The following FAM193A variants were observed in gnomAD, a reference collection of about 807,000 sequenced individuals.
The protein encoded by FAM193A is protein FAM193A.
FAM193A carries 22 observed loss-of-function variants against 126.5 expected under a neutral mutation model. The observed-to-expected ratio is 0.17, with a 90% CI of 0.12 to 0.25. The LOEUF (loss-of-function observed/expected upper bound fraction) is 0.25. FAM193A is among the 10% of genes least tolerant of loss of function. The pLI is 1.00. For missense variants in FAM193A, 1,675 were observed against 1,672.8 expected, an observed-to-expected ratio of 1.00 and a Z score of -0.02; for synonymous variants, 761 against 646.8, an observed-to-expected ratio of 1.18 and a Z score of -2.68.
intron 1 of FAM193A, among the ~76,000 whole-genome samples, chr4:2,553,852 T>A (rs1379334854): frequency 6.6e-6 from 1 of 152,134 alleles, no homozygotes; most frequent in Admixed American, 6.6e-5. Context: ...TCTCACGAGA[T>A]CTGATGGTTC....
At chr4:2,692,233 C>A (rs1247647661) in intron 15 of FAM193A, among the ~76,000 whole-genome samples, 1 of 152,192 alleles carries the variant, frequency 6.6e-6, no homozygotes, top group Non-Finnish European at 1.5e-5. Context: ...AGCACCTCTT[C>A]ACGGGGGAGA....
intron 1 of FAM193A, among the ~76,000 whole-genome samples, chr4:2,551,386 A>G (rs1161753578): frequency 1.3e-5 from 2 of 152,224 alleles, no homozygotes; most frequent in South Asian, 2.1e-4. Flanking sequence ...GTCAGTGCTG[A>G]AAAAGTTTCA....
intron 2 of FAM193A, among the ~76,000 whole-genome samples, chr4:2,607,712 C>T (rs1741626813): frequency 6.6e-6 from 1 of 152,234 alleles, no homozygotes; most frequent in Non-Finnish European, 1.5e-5. Flanking sequence ...AGGCTTATAG[C>T]ATGGCCTTAC....
At chr4:2,608,913 CAG>C (rs1355794943) in intron 2 of FAM193A, among the ~76,000 whole-genome samples, 5 of 138,284 alleles carry the variant, frequency 3.6e-5, no homozygotes, top group African/African-American at 1.4e-4. Context: ...TTTTTTGAGA[CAG>C]AGTCTCACTC....
intron 2 of FAM193A, among the ~76,000 whole-genome samples, chr4:2,600,153 C>T (rs1040299528): frequency 1.3e-5 from 2 of 152,212 alleles, no homozygotes; most frequent in East Asian, 1.9e-4. Context: ...CTACCTTGGC[C>T]TCCCAAAGTG....
intron 13 of FAM193A, among the ~76,000 whole-genome samples, chr4:2,688,373 C>T (rs940603369): frequency 1.8e-4 from 27 of 152,090 alleles, no homozygotes; most frequent in African/African-American, 6.5e-4. Flanking sequence ...GCAAAGGCAA[C>T]GCCGGCTTCT....
rs1272518817 is a variant in FAM193A, at chr4:2,659,985, C to G, written c.1676C>G (p.Ser559Cys). ...TCATCTGCAAGCTCGGGGTCCGGCT[C>G]CAGCTCTCCCATCACAATTCAGCAG... The part of the protein sequence containing the change: ...SVSSASSGSG[S>C]SSPITIQQHP... Residue 559 changes from serine to cysteine, a missense_variant, in exon 10 of 21, where the codon TCC becomes TGC. By Grantham distance (112) the Ser-to-Cys change is moderately radical (BLOSUM62 -1). Transcript: ENST00000637812. 2.5e-6 allele frequency: 4 copies of G among 1,614,170 alleles called. No individual in the cohort carries two copies. The highest frequency in any genetic ancestry group is 3.4e-6 in the Non-Finnish European group (4 of 1,180,034).
rs777206397 is a variant in FAM193A at position 2,646,680 on chromosome 4, C to T, written c.1164-5C>T. 3 of 1,600,532 alleles carry T rather than the reference C, an allele frequency of 1.9e-6. No homozygotes were observed. The highest frequency in any genetic ancestry group is 2.6e-6 in the Non-Finnish European group (3 of 1,174,398). On this transcript the variant is annotated splice_polypyrimidine_tract_variant and splice_region_variant and intron_variant, in intron 6 of 20. Transcript: ENST00000637812. Reference sequence around the variant, plus strand: ...TCCTTTGTTACAAGGCCTTCTCTCTCCTAGGCTAGGAACCACCACACACGA... The same window carrying T: ...TCCTTTGTTACAAGGCCTTCTCTCTTCTAGGCTAGGAACCACCACACACGA...
chr4:2,717,434 A>G (rs1311835151), intron 20 of FAM193A, among the ~76,000 whole-genome samples: 1 of 151,982 alleles, frequency 6.6e-6, no homozygotes, highest in African/African-American at 2.4e-5. Flanking sequence ...CGTCTCTACT[A>G]AAAATACAAA....
At chr4:2,719,879 TC>T in intron 20 of FAM193A, 2 of 163,636 alleles carry the variant, frequency 1.2e-5, no homozygotes, top group Non-Finnish European at 1.3e-5. Context: ...AGCCTTGACC[TC>T]CCCAGGGTCA....
At chr4:2,603,830 AT>A (rs1218610250) in intron 2 of FAM193A, among the ~76,000 whole-genome samples, 1 of 151,466 alleles carries the variant, frequency 6.6e-6, no homozygotes, top group Admixed American at 6.6e-5. Flanking sequence ...ATCCAAACAC[AT>A]ATCTCTTGAA....
intron 13 of FAM193A, among the ~76,000 whole-genome samples, chr4:2,681,512 G>A (rs1264123915): frequency 6.6e-6 from 1 of 152,110 alleles, no homozygotes; most frequent in African/African-American, 2.4e-5. Context: ...GTGTAGTGGT[G>A]CGATCTTGGG....
Position 2,577,411 on chromosome 4 carries a change from G to GTTT in FAM193A, c.256-18665_256-18663dup, listed in dbSNP as rs67407606. Among the ~76,000 whole-genome samples, 162 of 101,832 alleles carry GTTT rather than the reference G, an allele frequency of 1.6e-3. 6 individuals carry two copies. Among genetic ancestry groups the GTTT allele is most frequent in the Non-Finnish European group, 2.8e-3 (131 of 46,804 alleles). 66.8% of individuals were successfully genotyped at this position (101,832 alleles called of 152,430 possible). ...ACAATCTATTCACTCAATTAAAGTG[G>GTTT]TTTTTTTTTTGTTTTTTTTTTTTTT... On this transcript the variant is annotated intron_variant, in intron 1 of 20. Transcript: ENST00000637812.
At position 2,635,015 on chromosome 4, in the gene FAM193A, A is replaced by G. The variant is rs989746120; in HGVS notation, c.1038+3846A>G. On this transcript the variant is annotated intron_variant, in intron 5 of 20. Coordinates refer to ENST00000637812, the MANE Select transcript of FAM193A (RefSeq NM_001366318.2). ...TGCAGTATTTTAGTATGGGTCCCAG[A>G]CAATGTGCTTTTTGTCTTAGAATAT... 3.9e-5 allele frequency among the ~76,000 whole-genome samples: 6 copies of G among 152,318 alleles called. No individual in the cohort carries two copies. In the East Asian group the frequency reaches 1.2e-3, roughly 29 times the overall value.
chr4:2,631,606 C>T (rs938146317), intron 5 of FAM193A, among the ~76,000 whole-genome samples: 18 of 152,196 alleles, frequency 1.2e-4, no homozygotes, highest in Non-Finnish European at 8.8e-5. Context: ...GCTTGTTTAC[C>T]GCCCAGTGGC....
intron 4 of FAM193A, among the ~76,000 whole-genome samples, chr4:2,629,873 T>C (rs561047577): frequency 2.5e-4 from 38 of 152,302 alleles, no homozygotes; most frequent in African/African-American, 9.1e-4. Context: ...GGCTCACGCC[T>C]GTAAGTCCCA....
At chr4:2,586,383 T>TA (rs1560461866) in intron 1 of FAM193A, among the ~76,000 whole-genome samples, 2 of 152,178 alleles carry the variant, frequency 1.3e-5, no homozygotes, top group African/African-American at 4.8e-5. Context: ...TTTAGGTCTA[T>TA]AATTAAAGAA....
At chr4:2,551,631 T>G (rs879616289) in intron 1 of FAM193A, among the ~76,000 whole-genome samples, 3 of 152,166 alleles carry the variant, frequency 2.0e-5, no homozygotes, top group Non-Finnish European at 4.4e-5. Flanking sequence ...TGTCTGCCCT[T>G]TCATTCCTGA....
At chr4:2,666,969 C>A (rs1363860358) in intron 12 of FAM193A, among the ~76,000 whole-genome samples, 6 of 152,110 alleles carry the variant, frequency 3.9e-5, no homozygotes, top group Non-Finnish European at 7.4e-5. Context: ...TTGATTATTT[C>A]TTTCTATGTT....
Sources: gnomAD v4.1 joint callset for allele counts (sites outside exome capture counted in the v4.1 genomes callset) on GRCh38, gnomAD v4.1.1 for gene constraint, MANE v1.5 for transcripts, NCBI Gene and HGNC (gene_info 2026-07-23, HGNC 2026-07-21) for gene names.